Variants in BTBD9 observed in about 807,000 individuals in gnomAD.
The protein encoded by BTBD9 is BTB/POZ domain-containing protein 9.
Under a neutral mutation model 64.3 loss-of-function variants are expected in BTBD9, and 49 were observed. The observed-to-expected ratio is 0.76, with a 90% confidence interval of 0.61 to 0.97. BTBD9 has a LOEUF of 0.97. BTBD9 is among the 50% of genes least tolerant of loss of function. The pLI, the probability that BTBD9 is intolerant of heterozygous loss-of-function variation, is 0.00. For synonymous variants in BTBD9, 260 were observed against 274.7 expected (o/e 0.95, Z 0.53); for missense variants, 598 against 762.1 (o/e 0.78, Z 2.53).
chr6:38,255,410 A>G (rs1461872388), intron 9 of BTBD9, among the ~76,000 whole-genome samples: 1 of 152,232 alleles, frequency 6.6e-6, no homozygotes, highest in East Asian at 1.9e-4. Context: ...AAAAGTGTAA[A>G]TTTTATGGTA....
At chr6:38,637,708 C>A (rs559878284) in intron 1 of BTBD9, among the ~76,000 whole-genome samples, 1 of 152,176 alleles carries the variant, frequency 6.6e-6, no homozygotes, top group Non-Finnish European at 1.5e-5. Context: ...ATGAGACATG[C>A]ACCACTGACT....
chr6:38,222,543 A>G lies in BTBD9; in HGVS notation c.1563-29946T>C, dbSNP rs371715314. ...CAAAGTGCTAGGATTACAGGCATGA[A>G]CCACTGCGCCAGACCTTGATTTTAA... is the stretch of plus-strand genomic sequence containing the variant. On this transcript the variant is annotated intron_variant, in intron 9 of 10. Transcript: ENST00000481247. 6.6e-3 allele frequency among the ~76,000 whole-genome samples: 1,001 copies of G among 151,972 alleles called. 7 individuals carry two copies. The highest frequency in any genetic ancestry group is 0.013 in the African/African-American group (533 of 41,444).
At chr6:38,535,043 T>G (rs375031961) in intron 6 of BTBD9, among the ~76,000 whole-genome samples, 6 of 152,012 alleles carry the variant, frequency 3.9e-5, no homozygotes, top group Non-Finnish European at 1.5e-5. Context: ...CAGAAAGAAA[T>G]AAAGAGCATC....
rs576796763 is a variant in BTBD9 at position 38,394,102 on chromosome 6, T to C, written c.1155-49009A>G. Among the ~76,000 whole-genome samples the C allele has an allele frequency of 1.1e-4, 16 of 152,294 alleles. No individual in the cohort carries two copies. The South Asian group carries it at 1.7e-3, about 16-fold the overall frequency. On this transcript the variant is annotated intron_variant, in intron 6 of 10. Coordinates refer to ENST00000481247, the MANE Select transcript of BTBD9 (RefSeq NM_001099272.2). ...CTATTTACTGAGAACCTATGATGTG[T>C]TGTCAAGTACTATGCTGGGTACTGA... is the stretch of plus-strand genomic sequence containing the variant.
At chr6:38,348,446 A>C (rs1237545763) in intron 6 of BTBD9, among the ~76,000 whole-genome samples, 2 of 152,200 alleles carry the variant, frequency 1.3e-5, no homozygotes, top group Non-Finnish European at 2.9e-5. Context: ...CTGCTGAAAA[A>C]TAGAACAGAT....
At chr6:38,179,372 G>A in intron 10 of BTBD9, 1 of 453,808 alleles carries the variant, frequency 2.2e-6, no homozygotes, top group Non-Finnish European at 4.4e-6. Context: ...GGATGAGACT[G>A]ATAAAGGAGA....
At chr6:38,436,372 ATTTTTTTTT>A (rs10647439) in intron 6 of BTBD9, among the ~76,000 whole-genome samples, 2 of 118,318 alleles carry the variant, frequency 1.7e-5, no homozygotes, top group East Asian at 4.6e-4. Context: ...CCCCAATTCT[ATTTTTTTTT>A]TTTTTTTTTT....
At chr6:38,599,647 G>A (rs886501169) in intron 1 of BTBD9, among the ~76,000 whole-genome samples, 2 of 152,182 alleles carry the variant, frequency 1.3e-5, no homozygotes, top group African/African-American at 2.4e-5. Flanking sequence ...GAGCTCTCCA[G>A]TTGAACCACA....
At position 38,456,044 on chromosome 6, in the gene BTBD9, C is replaced by T. The variant is rs916459533; in HGVS notation, c.1155-110951G>A. Among the ~76,000 whole-genome samples the T allele has an allele frequency of 2.6e-5, 4 of 151,870 alleles. No individual in the cohort carries two copies. In the East Asian group the frequency reaches 5.8e-4, roughly 22 times the overall value. ...TGTAGCCCAGGCTAGAGTGCAGTGG[C>T]GCCATCTTGACTCACTGCAGCCTCT... is the stretch of plus-strand genomic sequence containing the variant. On this transcript the variant is annotated intron_variant, in intron 6 of 10. Transcript: ENST00000481247.
intron 6 of BTBD9, among the ~76,000 whole-genome samples, chr6:38,409,259 C>T (rs1039706973): frequency 6.6e-6 from 1 of 151,726 alleles, no homozygotes; most frequent in Admixed American, 6.6e-5. Context: ...CAAAACAAAA[C>T]AAAACCCAAG....
intron 6 of BTBD9, among the ~76,000 whole-genome samples, chr6:38,562,810 T>C (rs984052453): frequency 2.6e-4 from 39 of 152,338 alleles, no homozygotes; most frequent in African/African-American, 9.1e-4. Flanking sequence ...ATACCTATTT[T>C]CTTGGAATGA....
chr6:38,423,564 A>G (rs1768006748), intron 6 of BTBD9, among the ~76,000 whole-genome samples: 2 of 152,154 alleles, frequency 1.3e-5, no homozygotes, highest in African/African-American at 4.8e-5. Context: ...TCGGGCTCCC[A>G]AAGTGCTGGG....
At chr6:38,358,015 GTC>G (rs1166735461) in intron 6 of BTBD9, among the ~76,000 whole-genome samples, 1 of 151,942 alleles carries the variant, frequency 6.6e-6, no homozygotes, top group East Asian at 1.9e-4. Flanking sequence ...TTGTTAGCCG[GTC>G]TCTCTCTTTC....
At chr6:38,205,361 C>T (rs73410476) in intron 9 of BTBD9, among the ~76,000 whole-genome samples, 1,637 of 152,166 alleles carry the variant, frequency 0.011, 30 homozygotes, top group African/African-American at 0.036. Flanking sequence ...ATCAGGTTCA[C>T]ATAAATTTTT....
At chr6:38,358,402 T>C (rs1562072267) in intron 6 of BTBD9, among the ~76,000 whole-genome samples, 1 of 152,162 alleles carries the variant, frequency 6.6e-6, no homozygotes. Flanking sequence ...TGCCCCAGCT[T>C]AGCCAGCTGC....
At chr6:38,321,683 T>C (rs1194303914) in intron 7 of BTBD9, among the ~76,000 whole-genome samples, 2 of 152,112 alleles carry the variant, frequency 1.3e-5, no homozygotes, top group Admixed American at 1.3e-4. Flanking sequence ...GACAAGAAAA[T>C]GATGATTATT....
intron 6 of BTBD9, among the ~76,000 whole-genome samples, chr6:38,381,682 C>T (rs183641118): frequency 2.0e-5 from 3 of 152,218 alleles, no homozygotes; most frequent in Non-Finnish European, 2.9e-5. Flanking sequence ...TTAAAGACTA[C>T]GTTCTAGGTA....
chr6:38,191,088 AT>A (rs1561852537), intron 10 of BTBD9, among the ~76,000 whole-genome samples: 2 of 152,160 alleles, frequency 1.3e-5, no homozygotes, highest in Non-Finnish European at 2.9e-5. Context: ...TAATTCTTGA[AT>A]TTTTCTTTAG....
At chr6:38,277,517 A>G (rs1312402554) in intron 8 of BTBD9, among the ~76,000 whole-genome samples, 2 of 152,060 alleles carry the variant, frequency 1.3e-5, no homozygotes, top group Non-Finnish European at 2.9e-5. Context: ...TATTTTCAGT[A>G]GAGACAATGT....
Sources: gnomAD v4.1 joint callset for allele counts (sites outside exome capture counted in the v4.1 genomes callset) on GRCh38, gnomAD v4.1.1 for gene constraint, MANE v1.5 for transcripts, NCBI Gene and HGNC (gene_info 2026-07-23, HGNC 2026-07-21) for gene names.